The following SRD5A1 variants were observed in gnomAD, a reference collection of about 807,000 sequenced individuals.
SRD5A1 encodes steroid 5 alpha-reductase 1, also known as 3-oxo-5-alpha-steroid 4-dehydrogenase 1.
SRD5A1 carries 22 observed loss-of-function variants against 28.2 expected under a neutral mutation model. The observed-to-expected ratio is 0.78, with a 90% confidence interval of 0.56 to 1.12. SRD5A1 has a LOEUF of 1.12. Ranked by LOEUF, SRD5A1 falls within the 50% of genes most tolerant of loss-of-function variation. SRD5A1 has a pLI of 0.00. For missense variants in SRD5A1, 300 were observed against 346.7 expected (o/e 0.87, Z 1.07); for synonymous variants, 151 against 135.0 (o/e 1.12, Z -0.82).
chr5:6,640,048 A>G (rs1738315194), intron 1 of SRD5A1, among the ~76,000 whole-genome samples: 1 of 152,196 alleles, frequency 6.6e-6, no homozygotes, highest in Non-Finnish European at 1.5e-5. Flanking sequence ...AATGAAAATG[A>G]CTGACAGTGA....
At chr5:6,640,978 G>T (rs981898714) in intron 1 of SRD5A1, among the ~76,000 whole-genome samples, 4 of 152,174 alleles carry the variant, frequency 2.6e-5, no homozygotes, top group Non-Finnish European at 5.9e-5. Flanking sequence ...GTTTCCCATT[G>T]TTCCTCTATG....
chr5:6,646,577 T>C (rs1207759852), intron 1 of SRD5A1, among the ~76,000 whole-genome samples: 1 of 152,228 alleles, frequency 6.6e-6, no homozygotes, highest in Non-Finnish European at 1.5e-5. Flanking sequence ...GTGTTTATAG[T>C]ATTCTCTGAT....
At chr5:6,652,345 T>C (rs1163220806) in intron 2 of SRD5A1, among the ~76,000 whole-genome samples, 9 of 152,208 alleles carry the variant, frequency 5.9e-5, no homozygotes, top group African/African-American at 2.2e-4. Context: ...CATAATCTCC[T>C]GCGGTTCCTT....
intron 4 of SRD5A1, among the ~76,000 whole-genome samples, chr5:6,667,717 G>A (rs903348203): frequency 2.0e-5 from 3 of 152,178 alleles, no homozygotes; most frequent in East Asian, 1.9e-4. Context: ...AGATTTCACC[G>A]AATCCTTACT....
intron 1 of SRD5A1, among the ~76,000 whole-genome samples, chr5:6,644,185 C>A (rs369330778): frequency 1.3e-5 from 2 of 152,202 alleles, no homozygotes; most frequent in East Asian, 3.8e-4. Flanking sequence ...ATTTTCAATT[C>A]TGTGTATTTC....
intron 1 of SRD5A1, among the ~76,000 whole-genome samples, chr5:6,639,605 T>G (rs1415758769): frequency 6.6e-6 from 1 of 152,234 alleles, no homozygotes; most frequent in African/African-American, 2.4e-5. Context: ...TATAGGGCAC[T>G]TTCTTTTTCC....
At chr5:6,642,998 C>T (rs1016101773) in intron 1 of SRD5A1, among the ~76,000 whole-genome samples, 6 of 151,722 alleles carry the variant, frequency 4.0e-5, no homozygotes, top group African/African-American at 1.5e-4. Context: ...TAGCATGAAA[C>T]ACCTTACATT....
At chr5:6,639,589 G>C (rs758125279) in intron 1 of SRD5A1, among the ~76,000 whole-genome samples, 29 of 152,110 alleles carry the variant, frequency 1.9e-4, no homozygotes, top group Non-Finnish European at 2.8e-4. Context: ...TTTCTTCCTG[G>C]GTGCTTATAG....
At chr5:6,662,435 A>T (rs1469928879) in intron 3 of SRD5A1, among the ~76,000 whole-genome samples, 2 of 152,252 alleles carry the variant, frequency 1.3e-5, no homozygotes, top group Non-Finnish European at 2.9e-5. Context: ...GAATGAATGA[A>T]TCTGTGCTTG....
chr5:6,650,680 T>A (rs901145221), intron 1 of SRD5A1, among the ~76,000 whole-genome samples: 15 of 151,756 alleles, frequency 9.9e-5, no homozygotes, highest in African/African-American at 3.4e-4. Context: ...TTAGGGTACA[T>A]GTGCACATTG....
chr5:6,668,131 G>A, intron 4 of SRD5A1, 71 bp from the exon 5 acceptor site: 1 of 970,914 alleles, frequency 1.0e-6, no homozygotes, highest in East Asian at 2.6e-5. Flanking sequence ...GAAAAATATT[G>A]TCACTTTTGT....
intron 3 of SRD5A1, among the ~76,000 whole-genome samples, chr5:6,661,239 T>A (rs1255035778): frequency 6.6e-6 from 1 of 152,072 alleles, no homozygotes; most frequent in Non-Finnish European, 1.5e-5. Context: ...TCTTTCTTTT[T>A]AAAAAAATAG....
rs551971659 is a variant in SRD5A1, at chr5:6,633,997, C to T, written c.293+128C>T. 9.0e-6 allele frequency: 9 copies of T among 998,662 alleles called. No individual in the cohort carries two copies. The African/African-American group carries it at 1.3e-4, about 15-fold the overall frequency. The allele number at this position is 998,662 out of a possible 1,614,324, so 61.9% of individuals were successfully genotyped here. On this transcript the variant is annotated intron_variant, in intron 1 of 4. Transcript: ENST00000274192. ...CAGATGCCCTCTCCCTGCCAGATCC[C>T]CCGGGGCGTCCCCCATCTGCACGGG...
At chr5:6,653,982 A>G (rs1738759062) in intron 2 of SRD5A1, among the ~76,000 whole-genome samples, 1 of 152,222 alleles carries the variant, frequency 6.6e-6, no homozygotes, top group Non-Finnish European at 1.5e-5. Flanking sequence ...TTTTGTGAGG[A>G]AACAGACGTG....
chr5:6,633,846 GT>G lies in SRD5A1; in HGVS notation c.272del (p.Phe91SerfsTer10). On this transcript the variant is annotated frameshift_variant, in exon 1 of 5. Transcript: ENST00000274192. LOFTEE classifies it high-confidence loss of function. ...CGCCCAACTGCATCCTCCTGGCCAT[GT>G]TCCTCGTCCACTACGGGCATCGGTA... is the stretch of plus-strand genomic sequence containing the variant. The part of the protein sequence containing the change: ...SAPNCILLAM[F>X]LVHYGHRCLI... 1 of 1,597,452 alleles carries G rather than the reference GT, an allele frequency of 6.3e-7. No individual in the cohort carries two copies. The highest frequency in any genetic ancestry group is 8.5e-7 in the Non-Finnish European group (1 of 1,179,494).
At chr5:6,636,187 A>C (rs1468632639) in intron 1 of SRD5A1, among the ~76,000 whole-genome samples, 1 of 152,200 alleles carries the variant, frequency 6.6e-6, no homozygotes, top group Non-Finnish European at 1.5e-5. Flanking sequence ...TACCCAAGCA[A>C]CTAATTTATT....
At chr5:6,660,867 T>C (rs1738979383) in intron 3 of SRD5A1, among the ~76,000 whole-genome samples, 1 of 152,172 alleles carries the variant, frequency 6.6e-6, no homozygotes, top group South Asian at 2.1e-4. Context: ...CTTACAATCA[T>C]GGCAGAAGGC....
At chr5:6,657,374 C>A (rs1738864074) in intron 3 of SRD5A1, among the ~76,000 whole-genome samples, 1 of 152,196 alleles carries the variant, frequency 6.6e-6, no homozygotes, top group South Asian at 2.1e-4. Context: ...GGCTTATGAG[C>A]AAACTGCACC....
chr5:6,657,470 G>A (rs1171556123), intron 3 of SRD5A1, among the ~76,000 whole-genome samples: 1 of 152,218 alleles, frequency 6.6e-6, no homozygotes, highest in African/African-American at 2.4e-5. Context: ...TGGCCCCCTC[G>A]CTTCCTGCCC....
Sources: allele counts gnomAD v4.1 joint callset (sites outside exome capture counted in the v4.1 genomes callset), GRCh38; gene constraint gnomAD v4.1.1; transcripts MANE v1.5; gene names NCBI Gene and HGNC (gene_info 2026-07-23, HGNC 2026-07-21).